SEC24C: variants seen among roughly 807,000 people sequenced by gnomAD.
SEC24C encodes protein transport protein Sec24C.
Under a neutral mutation model 117.0 loss-of-function variants are expected in SEC24C, and 22 were observed. The ratio of observed to expected loss-of-function variants is 0.19; its 90% CI spans 0.13 to 0.27. The LOEUF (loss-of-function observed/expected upper bound fraction) is 0.27, where lower values mean the gene tolerates loss of function less well. Among genes scored for constraint, SEC24C ranks in the 10% least tolerant of loss-of-function variants. SEC24C has a pLI of 1.00. For synonymous variants in SEC24C, 506 were observed against 529.4 expected (o/e 0.96, Z 0.61); for missense variants, 1,155 against 1,375.1 (o/e 0.84, Z 2.53).
intron 3 of SEC24C, among the ~76,000 whole-genome samples, chr10:73,755,681 GA>G (rs148521871): frequency 2.5e-3 from 354 of 142,104 alleles, no homozygotes; most frequent in African/African-American, 7.8e-3. Context: ...TCCGTCTCAG[GA>G]AAAAAAAAAA....
chr10:73,763,434 T>C, intron 6 of SEC24C, 56 bp from the exon 7 acceptor site: 1 of 1,237,526 alleles, frequency 8.1e-7, no homozygotes, highest in Non-Finnish European at 1.2e-6. Context: ...CTTGGCACTC[T>C]GGGACCTCAC....
At chr10:73,749,550 T>G (rs1459131626) in intron 2 of SEC24C, among the ~76,000 whole-genome samples, 1 of 151,200 alleles carries the variant, frequency 6.6e-6, no homozygotes, top group Non-Finnish European at 1.5e-5. Flanking sequence ...TTTTTTTTTT[T>G]TTTTCTTTTT....
intron 7 of SEC24C, 105 bp downstream of exon 7, chr10:73,763,706 T>TTTTTTTTA: frequency 7.3e-6 from 5 of 681,258 alleles, no homozygotes; most frequent in Non-Finnish European, 1.1e-5. Flanking sequence ...TTTTAGTTTT[T>TTTTTTTTA]AACCAGAGAC....
Position 73,766,827 on chromosome 10 carries a change from A to G in SEC24C, c.1867A>G (p.Ile623Val), listed in dbSNP as rs775521810. ...RETETVFVPV[I>V]QAGMEALKAA... The stretch of plus-strand genomic sequence containing the variant: ...AACAGAGACAGTATTTGTACCAGTT[A>G]TCCAGGCTGGAATGGAGGCTCTGAA... The change falls in exon 13 of 23, where the codon ATC (isoleucine) becomes GTC (valine). Residue 623 changes from isoleucine (I) to valine (V), a missense_variant. Coordinates refer to ENST00000345254, the MANE Select transcript of SEC24C (RefSeq NM_198597.3). 6.2e-7 allele frequency: 1 copy of G among 1,614,182 alleles called. No individual in the cohort carries two copies. Among genetic ancestry groups the G allele is most frequent in the South Asian group, 1.1e-5 (1 of 91,084 alleles).
intron 6 of SEC24C, chr10:73,762,024 G>GT (rs1009702384): frequency 9.5e-7 from 1 of 1,055,924 alleles, no homozygotes; most frequent in African/African-American, 1.6e-5. Context: ...GTTGAGAGAA[G>GT]TAACATCTGC....
In SEC24C at chr10:73,751,263, A is replaced by C. The variant is rs778276553; in HGVS notation, c.308+20A>C. On this transcript the variant is annotated intron_variant, in intron 3 of 22. Transcript: ENST00000345254. ...GCAAAGGTAGGTACTTGGTCAATCT[A>C]AAATTGGTCTGATGAGGCTGAGTGC... is the stretch of plus-strand genomic sequence containing the variant. 2 of 1,605,888 alleles carry C rather than the reference A, an allele frequency of 1.2e-6. No individual in the cohort carries two copies. Among genetic ancestry groups the C allele is most frequent in the Non-Finnish European group, 1.7e-6 (2 of 1,174,244 alleles).
chr10:73,754,567 C>A (rs1290526676), intron 3 of SEC24C, among the ~76,000 whole-genome samples: 3 of 152,118 alleles, frequency 2.0e-5, no homozygotes, highest in African/African-American at 7.2e-5. Flanking sequence ...CCTCCCCTGA[C>A]CAACAGATAC....
rs150235476 is a variant in SEC24C, at chr10:73,760,299, C to T, written c.763C>T (p.Pro255Ser). 124 of 1,613,516 alleles carry T rather than the reference C, an allele frequency of 7.7e-5. No individual in the cohort carries two copies. Among genetic ancestry groups the T allele is most frequent in the Admixed American group, 5.0e-4 (30 of 60,024 alleles). ...NHVSSPPQAL[P>S]PGTQMTGPLG... Reference sequence around the variant, plus strand: ...TGTGTCTTCACCTCCTCAAGCTCTGCCCCCTGGCACCCAGATGACTGGGCC... The same window carrying T: ...TGTGTCTTCACCTCCTCAAGCTCTGTCCCCTGGCACCCAGATGACTGGGCC... The change falls in exon 5 of 23, where the codon CCC becomes TCC. Residue 255 changes from proline to serine, a missense_variant. Physicochemically the swap from Pro to Ser is moderately conservative, Grantham distance 74. This residue lies in a region of SEC24C where 396 missense variants were observed against 382.8 expected (regional missense o/e 1.03). Coordinates refer to ENST00000345254, the MANE Select transcript of SEC24C (RefSeq NM_198597.3).
At chr10:73,759,228 A>G (rs2082758323) in intron 3 of SEC24C, among the ~76,000 whole-genome samples, 1 of 151,894 alleles carries the variant, frequency 6.6e-6, no homozygotes, top group Non-Finnish European at 1.5e-5. Context: ...ATCAATCTGC[A>G]TTTGTTTGAT....
chr10:73,765,227 G>A (rs1303450078), intron 8 of SEC24C, among the ~76,000 whole-genome samples: 1 of 152,234 alleles, frequency 6.6e-6, no homozygotes, highest in Non-Finnish European at 1.5e-5. Flanking sequence ...GAGAAATGCA[G>A]CTCTGGGGGT....
intron 8 of SEC24C, among the ~76,000 whole-genome samples, chr10:73,764,990 G>T (rs991218553): frequency 2.6e-5 from 4 of 152,198 alleles, no homozygotes; most frequent in African/African-American, 9.7e-5. Context: ...GGTGACATTT[G>T]CCTGGGGCAT....
intron 2 of SEC24C, among the ~76,000 whole-genome samples, chr10:73,750,216 GT>G (rs2082624554): frequency 6.6e-6 from 1 of 152,204 alleles, no homozygotes; most frequent in South Asian, 2.1e-4. Context: ...ATCTGATTCT[GT>G]CATGGTTGGT....
At position 73,765,503 on chromosome 10, in the gene SEC24C, G is replaced by A. The variant is rs759119273; in HGVS notation, c.1280G>A (p.Arg427His). Residue 427 changes from arginine to histidine, a missense_variant, in exon 9 of 23, where the codon CGC (arginine) becomes CAC (histidine). By Grantham distance (29) the Arg-to-His change is conservative (BLOSUM62 0). Around this residue, in one of 2 missense-constraint regions of SEC24C, gnomAD observed 759 missense variants for 992.3 expected, o/e 0.76. Transcript: ENST00000345254. ...HGESGPLRCN[R>H]CKAYMCPFMQ... ...GAATCTGGCCCTTTGCGCTGCAACC[G>A]CTGCAAAGCATACATGTGTCCCTTC... The A allele has an allele frequency of 2.5e-6, 4 of 1,614,000 alleles. No homozygotes were observed. The highest frequency in any genetic ancestry group is 3.4e-6 in the Non-Finnish European group (4 of 1,179,872).
chr10:73,766,289 T>C lies in SEC24C; in HGVS notation c.1608-61T>C, dbSNP rs1484213657. 2.1e-5 allele frequency: 34 copies of C among 1,582,208 alleles called. No homozygotes were observed. In the Admixed American group the frequency reaches 6.0e-4, roughly 28 times the overall value. On this transcript the variant is annotated intron_variant, in intron 11 of 22. Transcript: ENST00000345254. ...TTGACTGAAGAAATGTAGCTTGGTG[T>C]CATGAAGTTGTGGGTGGTGGAAAAG...
chr10:73,762,921 C>G (rs990387703), intron 6 of SEC24C, among the ~76,000 whole-genome samples: 1 of 152,188 alleles, frequency 6.6e-6, no homozygotes, highest in Non-Finnish European at 1.5e-5. Context: ...CACATTGATG[C>G]TTACCTGAAA....
chr10:73,769,648 C>T lies in SEC24C; in HGVS notation c.2597C>T (p.Ala866Val). ...YRGVLNSPVK[A>V]VRDTLITQCA... ...GGAGTCCTGAATAGCCCTGTGAAGG[C>T]TGTTCGTGACACGCTCATCACCCAG... Residue 866 changes from alanine (A) to valine (V), a missense_variant, in exon 19 of 23, where the codon GCT becomes GTT. Physicochemically the swap from Ala to Val is moderately conservative, Grantham distance 64 (BLOSUM62 0). Transcript: ENST00000345254. This position sits in a 1 kb window ranked among gnomAD's most constrained non-coding sequence, Gnocchi z 4.5. The T allele has an allele frequency of 6.2e-7, 1 of 1,614,102 alleles. No homozygotes were observed. The highest frequency in any genetic ancestry group is 8.5e-7 in the Non-Finnish European group (1 of 1,180,012).
chr10:73,748,668 C>T (rs2082598064), intron 2 of SEC24C, among the ~76,000 whole-genome samples: 2 of 151,956 alleles, frequency 1.3e-5, no homozygotes, highest in South Asian at 4.2e-4. Flanking sequence ...AACTCCTGGC[C>T]TCAGGTGATC....
chr10:73,752,851 A>G (rs1243070962), intron 3 of SEC24C, among the ~76,000 whole-genome samples: 2 of 152,100 alleles, frequency 1.3e-5, no homozygotes, highest in African/African-American at 4.8e-5. Context: ...CAAAAAACCC[A>G]TACGAAACAA....
rs1565048114 is a variant in SEC24C at position 73,767,923 on chromosome 10, C to T, written c.2097C>T (p.Phe699=). 2.6e-6 allele frequency: 4 copies of T among 1,537,468 alleles called. No individual in the cohort carries two copies. In the Admixed American group the frequency reaches 5.4e-5, roughly 21 times the overall value. ...AQGCCVDLFL[F]PNQYVDVATL... ...GCTGCTGTGTAGATCTCTTTCTCTTCCCTAACCAGTATGTGGATGTGGCCA... is the reference window on the plus strand; with the variant it reads ...GCTGCTGTGTAGATCTCTTTCTCTTTCCTAACCAGTATGTGGATGTGGCCA... Residue 699 remains phenylalanine (F), a synonymous_variant, in exon 15 of 23, where the codon TTC becomes TTT. Coordinates refer to ENST00000345254, the MANE Select transcript of SEC24C (RefSeq NM_198597.3).
Sources: allele counts gnomAD v4.1 joint callset (sites outside exome capture counted in the v4.1 genomes callset), GRCh38; gene constraint gnomAD v4.1.1; regional missense constraint gnomAD v4.1.1; non-coding constraint Gnocchi (gnomAD v3.1); transcripts MANE v1.5; gene names NCBI Gene and HGNC (gene_info 2026-07-23, HGNC 2026-07-21).